SHISA9: variants seen among roughly 807,000 people sequenced by gnomAD.
SHISA9 encodes protein shisa-9.
Under a neutral mutation model 38.0 loss-of-function variants are expected in SHISA9, and 13 were observed. The ratio of observed to expected loss-of-function variants is 0.34; its 90% CI spans 0.22 to 0.54. The LOEUF is 0.54. Ranked by LOEUF, SHISA9 falls within the 20% of genes least tolerant of loss-of-function variation. SHISA9 has a pLI of 0.91. For synonymous variants in SHISA9, 275 were observed against 242.0 expected (o/e 1.14, Z -1.27); for missense variants, 538 against 575.8 (o/e 0.93, Z 0.67).
At chr16:12,988,779 C>T (rs555324205) in intron 2 of SHISA9, among the ~76,000 whole-genome samples, 1 of 152,182 alleles carries the variant, frequency 6.6e-6, no homozygotes, top group East Asian at 1.9e-4. Flanking sequence ...CCTGCCTTGG[C>T]CTCCTAAAGT....
chr16:13,090,725 C>T (rs939070026), intron 2 of SHISA9, among the ~76,000 whole-genome samples: 2 of 152,214 alleles, frequency 1.3e-5, no homozygotes, highest in Non-Finnish European at 2.9e-5. Context: ...CTCTTGAATA[C>T]AGCACACAGA....
chr16:13,272,574 A>G, the SHISA9 span, among the ~76,000 whole-genome samples: 1 of 152,136 alleles, frequency 6.6e-6, no homozygotes, highest in Non-Finnish European at 1.5e-5. Flanking sequence ...GACCTAACAG[A>G]GGGTTATCAG....
chr16:13,116,649 A>G (rs1176632300), intron 2 of SHISA9, among the ~76,000 whole-genome samples: 1 of 152,150 alleles, frequency 6.6e-6, no homozygotes, highest in African/African-American at 2.4e-5. Flanking sequence ...CTCAGCAAGT[A>G]TTTCCTAAGT....
the SHISA9 span, among the ~76,000 whole-genome samples, chr16:13,333,917 G>T: frequency 1.1e-4 from 16 of 152,260 alleles, no homozygotes; most frequent in South Asian, 1.5e-3. Flanking sequence ...CTCAGGAAAG[G>T]TTGTTTCATC....
intron 4 of SHISA9, among the ~76,000 whole-genome samples, chr16:13,215,321 A>G (rs1219034135): frequency 6.6e-6 from 1 of 152,180 alleles, no homozygotes; most frequent in Non-Finnish European, 1.5e-5. Context: ...AGGAGAGTGC[A>G]TTCTATTCCC....
At position 12,925,350 on chromosome 16, in the gene SHISA9, G is replaced by A. The variant is rs575891991; in HGVS notation, c.691+8535G>A. Among the ~76,000 whole-genome samples the A allele has an allele frequency of 1.5e-4, 23 of 152,042 alleles. No homozygotes were observed. In the South Asian group the frequency reaches 4.8e-3, roughly 32 times the overall value. On this transcript the variant is annotated intron_variant, in intron 2 of 4. Transcript: ENST00000558583. ...AGCTTTTGTTCTGTTAGGAATTACT[G>A]ATTATTTTGTCTTACTGGCAGACCA... is the stretch of plus-strand genomic sequence containing the variant.
At chr16:13,210,808 A>G (rs2051111795) in intron 3 of SHISA9, among the ~76,000 whole-genome samples, 1 of 152,244 alleles carries the variant, frequency 6.6e-6, no homozygotes. Context: ...AGTAAATGGC[A>G]GAGCCAAGTC....
At chr16:13,554,960 C>A in the SHISA9 span, among the ~76,000 whole-genome samples, 1 of 152,200 alleles carries the variant, frequency 6.6e-6, no homozygotes, top group African/African-American at 2.4e-5. Flanking sequence ...CCATTTGAGG[C>A]CATATCTCCT....
chr16:12,976,308 C>A (rs2072160848), intron 2 of SHISA9, among the ~76,000 whole-genome samples: 1 of 152,138 alleles, frequency 6.6e-6, no homozygotes, highest in East Asian at 1.9e-4. Flanking sequence ...CCAGGCTGAT[C>A]TTGAGCTCCT....
intron 2 of SHISA9, among the ~76,000 whole-genome samples, chr16:13,116,747 G>A (rs143905454): frequency 6.6e-6 from 1 of 152,246 alleles, no homozygotes; most frequent in African/African-American, 2.4e-5. Context: ...TGAAGATATT[G>A]TCTACCCTTG....
At chr16:13,328,591 TACACAC>T in the SHISA9 span, among the ~76,000 whole-genome samples, 11,240 of 139,814 alleles carry the variant, frequency 0.08, 510 homozygotes, top group Middle Eastern at 0.13. Flanking sequence ...TATATGTGTA[TACACAC>T]ACACACACAC....
At chr16:13,497,960 G>C in the SHISA9 span, among the ~76,000 whole-genome samples, 1 of 151,950 alleles carries the variant, frequency 6.6e-6, no homozygotes, top group Non-Finnish European at 1.5e-5. Context: ...TAAAGATTTA[G>C]CATCTGAAGA....
intron 4 of SHISA9, among the ~76,000 whole-genome samples, chr16:13,215,377 C>T (rs2051158310): frequency 6.6e-6 from 1 of 152,188 alleles, no homozygotes; most frequent in Non-Finnish European, 1.5e-5. Context: ...ATGAGAATCC[C>T]CTGACTACCT....
At chr16:13,264,756 C>T in the SHISA9 span, among the ~76,000 whole-genome samples, 3 of 152,016 alleles carry the variant, frequency 2.0e-5, no homozygotes, top group Non-Finnish European at 2.9e-5. Context: ...CAGCACTGAG[C>T]ACAGAACCCT....
intron 2 of SHISA9, among the ~76,000 whole-genome samples, chr16:12,946,981 A>G (rs974545254): frequency 6.6e-6 from 1 of 152,240 alleles, no homozygotes; most frequent in African/African-American, 2.4e-5. Flanking sequence ...TCGTTGTGAC[A>G]GTGACTGTAT....
the SHISA9 span, among the ~76,000 whole-genome samples, chr16:13,363,584 G>T: frequency 1.6e-4 from 24 of 152,168 alleles, 1 homozygote; most frequent in East Asian, 1.9e-3. Flanking sequence ...AAGTGGAGGT[G>T]CAGAAGAGCT....
At chr16:13,031,162 C>T (rs1448594638) in intron 2 of SHISA9, among the ~76,000 whole-genome samples, 3 of 152,294 alleles carry the variant, frequency 2.0e-5, no homozygotes, top group Non-Finnish European at 4.4e-5. Flanking sequence ...TGGGAAATTA[C>T]TGGGGATCCA....
the SHISA9 span, among the ~76,000 whole-genome samples, chr16:13,403,239 A>G: frequency 6.6e-6 from 1 of 152,236 alleles, no homozygotes; most frequent in African/African-American, 2.4e-5. Context: ...TCCATTATCA[A>G]CACTTGCCTG....
chr16:13,433,631 C>G, the SHISA9 span, among the ~76,000 whole-genome samples: 6 of 152,172 alleles, frequency 3.9e-5, no homozygotes, highest in Non-Finnish European at 8.8e-5. Context: ...CCACATGTCA[C>G]TGCATACAAG....
Sources: gnomAD v4.1 joint callset for allele counts (sites outside exome capture counted in the v4.1 genomes callset) on GRCh38, gnomAD v4.1.1 for gene constraint, MANE v1.5 for transcripts, NCBI Gene and HGNC (gene_info 2026-07-23, HGNC 2026-07-21) for gene names.